Variants in TRPM3 observed in about 807,000 individuals in gnomAD.
TRPM3 encodes the protein long transient receptor potential channel 3.
TRPM3 carries 77 observed loss-of-function variants against 181.2 expected under a neutral mutation model. The observed-to-expected ratio is 0.42, with a 90% CI of 0.35 to 0.51. TRPM3 has a LOEUF of 0.51. TRPM3 is among the 20% of genes least tolerant of loss of function. The probability of loss-of-function intolerance (pLI) is 0.01; values close to 1 mark genes in which losing one functional copy is unlikely to be tolerated. For synonymous variants in TRPM3, 745 were observed against 796.4 expected, an observed-to-expected ratio of 0.94 and a Z score of 1.09; for missense variants, 1,759 against 2,196.7, an observed-to-expected ratio of 0.80 and a Z score of 3.98.
intron 1 of TRPM3, among the ~76,000 whole-genome samples, chr9:71,270,575 C>T (rs1184799711): frequency 1.3e-5 from 2 of 152,142 alleles, no homozygotes; most frequent in Non-Finnish European, 2.9e-5. Context: ...GAAAGCCCTC[C>T]TCCCTAGGTA....
chr9:70,640,683 A>C, intron 9 of TRPM3, 23 bp from the exon 10 acceptor site: 1 of 1,594,142 alleles, frequency 6.3e-7, no homozygotes, highest in South Asian at 1.1e-5. Context: ...AAGTGGGAGA[A>C]AAGAGTGGAA....
chr9:70,940,500 T>G (rs529999894), intron 1 of TRPM3, among the ~76,000 whole-genome samples: 1 of 152,242 alleles, frequency 6.6e-6, no homozygotes, highest in Non-Finnish European at 1.5e-5. Context: ...ATCTATCATA[T>G]GCTAAGTGCT....
At chr9:71,310,876 TC>T (rs1034828640) in intron 1 of TRPM3, among the ~76,000 whole-genome samples, 1 of 152,134 alleles carries the variant, frequency 6.6e-6, no homozygotes, top group African/African-American at 2.4e-5. Flanking sequence ...CTAATGTTTT[TC>T]TTTTTACTAT....
In TRPM3 at chr9:70,535,779, G is replaced by A. The variant is rs1463821196; in HGVS notation, c.*174C>T. ...TGTCTGGCACTGGGTCAGATCAAAT[G>A]CTTTCTTGATCTGTGGCCCAGAAGT... On this transcript the variant is annotated 3_prime_UTR_variant, in exon 26 of 26. Coordinates refer to ENST00000677713, the MANE Select transcript of TRPM3 (RefSeq NM_001366145.2). 6.7e-7 allele frequency: 1 copy of A among 1,481,656 alleles called. No individual in the cohort carries two copies. The highest frequency in any genetic ancestry group is 8.9e-7 in the Non-Finnish European group (1 of 1,125,002). 91.8% of individuals were successfully genotyped at this position (1,481,656 alleles called of 1,614,324 possible).
At chr9:71,027,860 T>C (rs2056776444) in intron 1 of TRPM3, among the ~76,000 whole-genome samples, 1 of 152,158 alleles carries the variant, frequency 6.6e-6, no homozygotes, top group African/African-American at 2.4e-5. Flanking sequence ...CTGAAAGAGA[T>C]GGAGAGAATG....
chr9:71,024,583 TAC>T (rs1186839041), intron 1 of TRPM3, among the ~76,000 whole-genome samples: 1 of 152,234 alleles, frequency 6.6e-6, no homozygotes, highest in Non-Finnish European at 1.5e-5. Flanking sequence ...CGACTCTGTT[TAC>T]TCTTAGCAGT....
intron 7 of TRPM3, among the ~76,000 whole-genome samples, chr9:70,773,731 C>T (rs1247948783): frequency 6.6e-6 from 1 of 152,170 alleles, no homozygotes; most frequent in African/African-American, 2.4e-5. Context: ...TTCTTCATCT[C>T]CTGTGTATTA....
intron 9 of TRPM3, among the ~76,000 whole-genome samples, chr9:70,661,138 T>A (rs1006982881): frequency 1.7e-5 from 1 of 59,224 alleles, no homozygotes; most frequent in African/African-American, 8.8e-5. Flanking sequence ...CATATGCAAG[T>A]CAAGTCAATA....
intron 3 of TRPM3, among the ~76,000 whole-genome samples, chr9:70,857,446 C>G (rs1479024025): frequency 6.6e-6 from 1 of 152,030 alleles, no homozygotes; most frequent in East Asian, 1.9e-4. Context: ...TTACGAAGAC[C>G]CCTTCCTGCT....
chr9:70,591,162 A>T lies in TRPM3; in HGVS notation c.3092T>A (p.Leu1031Gln). 1 of 1,614,108 alleles carries T rather than the reference A, an allele frequency of 6.2e-7. No individual in the cohort carries two copies. Among genetic ancestry groups the T allele is most frequent in the Non-Finnish European group, 8.5e-7 (1 of 1,179,958 alleles). The change falls in exon 22 of 26, where the codon CTG (leucine) becomes CAG (glutamine). Residue 1031 changes from leucine (L) to glutamine (Q), a missense_variant. Physicochemically the swap from Leu to Gln is moderately radical, Grantham distance 113 (BLOSUM62 -2). Coordinates refer to ENST00000677713, the MANE Select transcript of TRPM3 (RefSeq NM_001366145.2). ...TTGCCTGGCGACCCCAAAGCTCATC[A>T]GAACCACCAGCATAATGATGACAAA... The part of the protein sequence containing the change: ...MYFVIIMLVV[L>Q]MSFGVARQAI...
At chr9:70,854,399 A>T (rs11142621) in intron 3 of TRPM3, among the ~76,000 whole-genome samples, 11,624 of 152,234 alleles carry the variant, frequency 0.076, 697 homozygotes, top group East Asian at 0.27. Flanking sequence ...CTCACAGGAC[A>T]CTGTGTGGAT....
chr9:70,860,449 C>G (rs568023863), intron 3 of TRPM3, among the ~76,000 whole-genome samples: 1 of 152,244 alleles, frequency 6.6e-6, no homozygotes, highest in African/African-American at 2.4e-5. Context: ...CATGAATTGA[C>G]TCATTTAATT....
At chr9:71,227,164 T>C (rs1588046084) in intron 1 of TRPM3, among the ~76,000 whole-genome samples, 1 of 122,080 alleles carries the variant, frequency 8.2e-6, no homozygotes, top group East Asian at 2.4e-4. Flanking sequence ...TCTCTGACCA[T>C]AATGGAATAA....
intron 1 of TRPM3, among the ~76,000 whole-genome samples, chr9:70,888,515 T>C (rs1316222942): frequency 2.0e-5 from 3 of 152,112 alleles, no homozygotes; most frequent in Non-Finnish European, 4.4e-5. Context: ...TTAGAAGGGT[T>C]TTACTCTTGA....
chr9:70,757,167 A>G (rs1463725554), intron 8 of TRPM3, among the ~76,000 whole-genome samples: 6 of 152,230 alleles, frequency 3.9e-5, no homozygotes, highest in Admixed American at 3.9e-4. Context: ...CACTGATCCC[A>G]CAGATGTACA....
chr9:71,382,478 G>A (rs559252552), intron 1 of TRPM3, among the ~76,000 whole-genome samples: 17 of 152,078 alleles, frequency 1.1e-4, no homozygotes, highest in Admixed American at 9.8e-4. Context: ...AGGTACAGTG[G>A]GATATTTACA....
At chr9:70,844,824 T>C (rs2094884785) in intron 4 of TRPM3, among the ~76,000 whole-genome samples, 1 of 152,218 alleles carries the variant, frequency 6.6e-6, no homozygotes, top group African/African-American at 2.4e-5. Context: ...AATAGAGTAT[T>C]GGTAAGACTT....
intron 5 of TRPM3, among the ~76,000 whole-genome samples, chr9:70,829,381 T>A (rs1391441644): frequency 1.3e-5 from 2 of 152,048 alleles, no homozygotes; most frequent in African/African-American, 2.4e-5. Context: ...ACTCAATAAA[T>A]AGTGAATGAA....
chr9:70,881,856 C>T (rs2096000013), intron 1 of TRPM3, among the ~76,000 whole-genome samples: 1 of 152,176 alleles, frequency 6.6e-6, no homozygotes, highest in African/African-American at 2.4e-5. Context: ...TCTCTTTATT[C>T]CCTTGGTCAC....
Sources: gnomAD v4.1 joint callset for allele counts (sites outside exome capture counted in the v4.1 genomes callset) on GRCh38, gnomAD v4.1.1 for gene constraint, MANE v1.5 for transcripts, NCBI Gene and HGNC (gene_info 2026-07-23, HGNC 2026-07-21) for gene names.